SAMD5: variants seen among roughly 807,000 people sequenced by gnomAD.
SAMD5 encodes sterile alpha motif domain-containing protein 5.
A neutral mutation model predicts 11.3 loss-of-function variants in SAMD5; 13 were observed. The ratio of observed to expected loss-of-function variants is 1.15; its 90% CI spans 0.75 to 1.83. SAMD5 has a LOEUF of 1.83. Among genes scored for constraint, SAMD5 ranks in the 40% most tolerant of loss-of-function variants. The probability of loss-of-function intolerance (pLI) is 0.00; values close to 1 mark genes in which losing one functional copy is unlikely to be tolerated. For synonymous variants in SAMD5, 129 were observed against 111.3 expected (o/e 1.16, Z -1.00); for missense variants, 255 against 239.1 (o/e 1.07, Z -0.44).
chr6:147,523,427 T>C (rs1394801942), intron 1 of SAMD5, among the ~76,000 whole-genome samples: 6 of 152,126 alleles, frequency 3.9e-5, no homozygotes, highest in Non-Finnish European at 7.3e-5. Flanking sequence ...AATACCTCAA[T>C]TGAGTGCTAA....
rs542726729 is a variant in SAMD5, at chr6:147,568,150, C to T, written c.*3694C>T. 52 of 985,208 alleles carry T rather than the reference C, an allele frequency of 5.3e-5. No homozygotes were observed. The African/African-American group carries it at 7.7e-4, about 15-fold the overall frequency. The allele number at this position is 985,208 out of a possible 1,614,324, so 61.0% of individuals were successfully genotyped here. On this transcript the variant is annotated 3_prime_UTR_variant, in exon 2 of 2. Transcript: ENST00000367474. ...TTAGGAGTGCAAATGGGCTGTTCCC[C>T]GATAGCATCTTCTGGGAAGAATCCA...
At chr6:147,790,485 A>G in the SAMD5 span, among the ~76,000 whole-genome samples, 1 of 152,224 alleles carries the variant, frequency 6.6e-6, no homozygotes, top group Admixed American at 6.5e-5. Context: ...TTGGAAATTA[A>G]GTGTGGTTTA....
chr6:147,771,064 AC>A, the SAMD5 span, among the ~76,000 whole-genome samples: 1 of 152,210 alleles, frequency 6.6e-6, no homozygotes. Context: ...CATCTTGCTA[AC>A]TTTTTTTCAT....
At chr6:147,936,111 A>T in the SAMD5 span, among the ~76,000 whole-genome samples, 1 of 152,122 alleles carries the variant, frequency 6.6e-6, no homozygotes, top group African/African-American at 2.4e-5. Flanking sequence ...TAGTTTCTCG[A>T]TACAGATGGG....
chr6:147,927,958 T>C, the SAMD5 span, among the ~76,000 whole-genome samples: 1 of 152,346 alleles, frequency 6.6e-6, no homozygotes, highest in African/African-American at 2.4e-5. Flanking sequence ...CTTTATGTGA[T>C]GAATCACATT....
At chr6:147,911,827 AG>A in the SAMD5 span, among the ~76,000 whole-genome samples, 1 of 152,246 alleles carries the variant, frequency 6.6e-6, no homozygotes, top group Non-Finnish European at 1.5e-5. Context: ...CAGACAGACT[AG>A]CCATGCATCA....
chr6:147,824,749 T>C, the SAMD5 span, among the ~76,000 whole-genome samples: 3 of 152,148 alleles, frequency 2.0e-5, no homozygotes, highest in Non-Finnish European at 4.4e-5. Flanking sequence ...ATACAATAAT[T>C]TTGTGAAAGA....
At chr6:147,683,119 C>A (rs1169767484) in intron 1 of SAMD5, among the ~76,000 whole-genome samples, 3 of 152,210 alleles carry the variant, frequency 2.0e-5, no homozygotes, top group Non-Finnish European at 4.4e-5. Flanking sequence ...AACTTCTGAT[C>A]ATTGGGGCAG....
chr6:147,766,348 A>G, the SAMD5 span, among the ~76,000 whole-genome samples: 2 of 152,078 alleles, frequency 1.3e-5, no homozygotes. Flanking sequence ...TGGGCCCACC[A>G]AGCACCTAGC....
rs1336012803 is a variant in SAMD5, at chr6:147,524,417, TTGTTG to T, written c.459+15032_459+15036del. Among the ~76,000 whole-genome samples the T allele has an allele frequency of 1.0e-4, 15 of 144,712 alleles. 2 individuals are homozygous for T. In the South Asian group the frequency reaches 2.8e-3, roughly 27 times the overall value. 94.9% of individuals were successfully genotyped at this position (144,712 alleles called of 152,430 possible). A position where few individuals can be genotyped will look rare whatever the true frequency, so the allele number is the denominator to read the frequency against. On this transcript the variant is annotated intron_variant, in intron 1 of 1. Coordinates refer to ENST00000367474, the MANE Select transcript of SAMD5 (RefSeq NM_001030060.3). ...GGTTTTTTTGTTTTTGTTTTTGTTTTTGTTGTTTTTTTTTTTTGAAAGCAGGCAAA... is the reference window on the plus strand; with the variant it reads ...GGTTTTTTTGTTTTTGTTTTTGTTTTTTTTTTTTTTTTGAAAGCAGGCAAA...
At chr6:147,831,629 T>C in the SAMD5 span, among the ~76,000 whole-genome samples, 8 of 152,214 alleles carry the variant, frequency 5.3e-5, no homozygotes, top group Non-Finnish European at 5.9e-5. Context: ...TAAAATATCT[T>C]ACAAGATCTT....
chr6:147,779,518 CAG>C, the SAMD5 span, among the ~76,000 whole-genome samples: 1 of 142,354 alleles, frequency 7.0e-6, no homozygotes, highest in East Asian at 2.1e-4. Context: ...TTTTTTGAGA[CAG>C]AGTCTCACTC....
the SAMD5 span, among the ~76,000 whole-genome samples, chr6:147,881,657 C>A: frequency 6.6e-6 from 1 of 152,172 alleles, no homozygotes; most frequent in East Asian, 1.9e-4. Flanking sequence ...TGGCTGTGTT[C>A]TGCATCTCAA....
intron 1 of SAMD5, chr6:147,729,626 G>C (rs1314475058): frequency 1.4e-5 from 5 of 356,014 alleles, no homozygotes; most frequent in Non-Finnish European, 2.2e-5. Context: ...GCAGTGACAA[G>C]AAAGGGCTAT....
At chr6:147,546,909 A>T (rs1418397910) in intron 1 of SAMD5, among the ~76,000 whole-genome samples, 1 of 152,158 alleles carries the variant, frequency 6.6e-6, no homozygotes, top group Non-Finnish European at 1.5e-5. Flanking sequence ...GGCTTGGTAC[A>T]CTGTAGTTTA....
At chr6:147,697,851 T>A (rs927149733) in intron 1 of SAMD5, among the ~76,000 whole-genome samples, 2 of 152,164 alleles carry the variant, frequency 1.3e-5, no homozygotes, top group Non-Finnish European at 2.9e-5. Flanking sequence ...GTAAGGTTCA[T>A]AAGACCAGAA....
the SAMD5 span, among the ~76,000 whole-genome samples, chr6:147,750,436 G>A: frequency 6.6e-6 from 1 of 152,126 alleles, no homozygotes; most frequent in African/African-American, 2.4e-5. Context: ...GTGTTTTTGT[G>A]TCTATATGTA....
At chr6:147,581,677 G>A (rs1260501885) in intron 1 of SAMD5, among the ~76,000 whole-genome samples, 1 of 152,186 alleles carries the variant, frequency 6.6e-6, no homozygotes, top group Non-Finnish European at 1.5e-5. Flanking sequence ...CCATTAGGTT[G>A]AGCCCTATGA....
intron 1 of SAMD5, among the ~76,000 whole-genome samples, chr6:147,729,207 C>A (rs1010181902): frequency 2.0e-5 from 3 of 152,182 alleles, no homozygotes; most frequent in Admixed American, 1.3e-4. Flanking sequence ...TAGGGCCCCA[C>A]CCATAGGACC....
Sources: allele counts gnomAD v4.1 joint callset (sites outside exome capture counted in the v4.1 genomes callset), GRCh38; gene constraint gnomAD v4.1.1; transcripts MANE v1.5; gene names NCBI Gene and HGNC (gene_info 2026-07-23, HGNC 2026-07-21).